Variants in CNBD1 observed in about 807,000 individuals in gnomAD.
CNBD1 encodes cyclic nucleotide-binding domain-containing protein 1.
CNBD1 carries 71 observed loss-of-function variants against 54.4 expected under a neutral mutation model. The ratio of observed to expected loss-of-function variants is 1.30; its 90% CI spans 1.08 to 1.59. The LOEUF is 1.59. CNBD1 is among the 40% of genes most tolerant of loss of function. CNBD1 has a pLI of 0.00. For missense variants in CNBD1, 659 were observed against 518.0 expected (o/e 1.27, Z -2.64); for synonymous variants, 182 against 170.7 (o/e 1.07, Z -0.51).
At chr8:87,201,352 T>C (rs150036982) in intron 4 of CNBD1, among the ~76,000 whole-genome samples, 5 of 152,320 alleles carry the variant, frequency 3.3e-5, no homozygotes, top group Non-Finnish European at 7.4e-5. Flanking sequence ...GCCACTTATA[T>C]GTAACATTAT....
intron 5 of CNBD1, among the ~76,000 whole-genome samples, chr8:87,224,355 C>T (rs1279808917): frequency 8.6e-5 from 13 of 151,098 alleles, no homozygotes; most frequent in Non-Finnish European, 1.9e-4. Context: ...AGGTTTTCTT[C>T]TAGGGTTTTT....
chr8:86,994,790 G>T (rs1808832660), intron 4 of CNBD1, among the ~76,000 whole-genome samples: 1 of 152,090 alleles, frequency 6.6e-6, no homozygotes, highest in Non-Finnish European at 1.5e-5. Flanking sequence ...GCTCAAAGTA[G>T]GTTGGTTTTG....
At chr8:87,302,683 A>AGGAAG (rs1469768868) in intron 8 of CNBD1, among the ~76,000 whole-genome samples, 2 of 151,908 alleles carry the variant, frequency 1.3e-5, no homozygotes, top group Non-Finnish European at 2.9e-5. Flanking sequence ...TTAGGAAAAG[A>AGGAAG]GGAAGTCAAA....
chr8:87,169,683 GT>G (rs1204365087), intron 4 of CNBD1, among the ~76,000 whole-genome samples: 1 of 151,974 alleles, frequency 6.6e-6, no homozygotes, highest in Non-Finnish European at 1.5e-5. Flanking sequence ...CCTAATGTAT[GT>G]TCTTGACACC....
chr8:87,334,841 A>G (rs1287677050), intron 8 of CNBD1, among the ~76,000 whole-genome samples: 3 of 151,146 alleles, frequency 2.0e-5, no homozygotes, highest in African/African-American at 7.3e-5. Context: ...CTCCTGCCTC[A>G]GCCTCCAGAG....
intron 2 of CNBD1, among the ~76,000 whole-genome samples, chr8:87,417,048 A>G (rs1172079958): frequency 6.6e-6 from 1 of 152,050 alleles, no homozygotes; most frequent in African/African-American, 2.4e-5. Flanking sequence ...TGGGATAAAG[A>G]ACAAAACCCA....
At chr8:86,985,984 G>A (rs1336046244) in intron 4 of CNBD1, among the ~76,000 whole-genome samples, 1 of 152,072 alleles carries the variant, frequency 6.6e-6, no homozygotes, top group Non-Finnish European at 1.5e-5. Flanking sequence ...AGGCTGGAGT[G>A]CTGTGGTGCA....
intron 2 of CNBD1, among the ~76,000 whole-genome samples, chr8:87,404,497 A>C (rs1198099597): frequency 6.6e-6 from 1 of 152,074 alleles, no homozygotes; most frequent in East Asian, 1.9e-4. Context: ...TATGGTGTCG[A>C]AATCATTTGC....
At chr8:87,069,328 A>G (rs939311875) in intron 4 of CNBD1, among the ~76,000 whole-genome samples, 1 of 152,052 alleles carries the variant, frequency 6.6e-6, no homozygotes, top group Non-Finnish European at 1.5e-5. Context: ...CATAATTAAC[A>G]TTTTGATCAA....
chr8:86,936,385 A>G (rs1371318789), intron 3 of CNBD1, among the ~76,000 whole-genome samples: 2 of 152,196 alleles, frequency 1.3e-5, no homozygotes, highest in South Asian at 2.1e-4. Flanking sequence ...TGACAATACA[A>G]ATGTTATGTA....
At chr8:86,927,158 G>A (rs999693332) in intron 3 of CNBD1, among the ~76,000 whole-genome samples, 2 of 152,166 alleles carry the variant, frequency 1.3e-5, no homozygotes, top group African/African-American at 4.8e-5. Flanking sequence ...TAGAGTACTT[G>A]CCAAGGTAGC....
chr8:87,316,056 A>G (rs937064406), intron 8 of CNBD1, among the ~76,000 whole-genome samples: 7 of 152,092 alleles, frequency 4.6e-5, no homozygotes, highest in African/African-American at 1.7e-4. Flanking sequence ...TTCATCTCAG[A>G]GTAATATACT....
chr8:87,351,925 T>G, intron 9 of CNBD1, 131 bp downstream of exon 9: 1 of 962,372 alleles, frequency 1.0e-6, no homozygotes, highest in South Asian at 2.9e-5. Flanking sequence ...TTTTTGAAAT[T>G]TTTGTGTTTG....
chr8:87,200,487 A>G (rs1813837410), intron 4 of CNBD1, among the ~76,000 whole-genome samples: 1 of 152,140 alleles, frequency 6.6e-6, no homozygotes, highest in South Asian at 2.1e-4. Flanking sequence ...GTTCTTTAAA[A>G]AGATCAACAA....
chr8:87,347,599 T>C (rs1810199943), intron 8 of CNBD1, among the ~76,000 whole-genome samples: 1 of 151,900 alleles, frequency 6.6e-6, no homozygotes, highest in Non-Finnish European at 1.5e-5. Context: ...CAGTATAGAG[T>C]AGTCACGGTG....
intron 3 of CNBD1, 128 bp from the exon 4 acceptor site, chr8:86,939,468 G>A: frequency 1.9e-6 from 1 of 535,374 alleles, no homozygotes; most frequent in Non-Finnish European, 3.3e-6. Context: ...CATTTAAAAA[G>A]AATATGTTCT....
chr8:87,394,295 C>T (rs779158310), intron 2 of CNBD1, among the ~76,000 whole-genome samples: 8 of 151,934 alleles, frequency 5.3e-5, no homozygotes, highest in Non-Finnish European at 1.0e-4. Flanking sequence ...TATCATAATG[C>T]ATGCACAGGT....
intron 10 of CNBD1, among the ~76,000 whole-genome samples, chr8:87,364,455 T>G (rs1810596463): frequency 6.6e-6 from 1 of 151,358 alleles, no homozygotes; most frequent in Non-Finnish European, 1.5e-5. Context: ...TTAATTCTTT[T>G]AAATCCAATT....
In CNBD1 at chr8:87,205,974, ATTTT is replaced by A. The variant is rs58151279; in HGVS notation, c.432-7_432-4del. On this transcript the variant is annotated splice_polypyrimidine_tract_variant and intron_variant, in intron 4 of 10. Coordinates refer to ENST00000518476, the MANE Select transcript of CNBD1 (RefSeq NM_173538.3). ...TTTATGCCATGGTCTCTGAATTTGTATTTTTTTTTTTTTTTGAGGCCCATTCACA... is the reference window on the plus strand; with the variant it reads ...TTTATGCCATGGTCTCTGAATTTGTATTTTTTTTTTTGAGGCCCATTCACA... 74 of 1,280,432 alleles carry A rather than the reference ATTTT, an allele frequency of 5.8e-5. No individual in the cohort carries two copies. Among genetic ancestry groups the A allele is most frequent in the South Asian group, 2.2e-4 (12 of 55,580 alleles). 79.3% of individuals were successfully genotyped at this position (1,280,432 alleles called of 1,614,324 possible). A position where few individuals can be genotyped will look rare whatever the true frequency, so the allele number is the denominator to read the frequency against.
Sources: gnomAD v4.1 joint callset for allele counts (sites outside exome capture counted in the v4.1 genomes callset) on GRCh38, gnomAD v4.1.1 for gene constraint, MANE v1.5 for transcripts, NCBI Gene and HGNC (gene_info 2026-07-23, HGNC 2026-07-21) for gene names.